Variants in CTNND2 observed in about 807,000 individuals in gnomAD.
CTNND2 encodes catenin delta 2.
A neutral mutation model predicts 144.4 loss-of-function variants in CTNND2; 22 were observed. That is an observed-to-expected ratio of 0.15 (90% CI 0.11 to 0.22). The LOEUF (loss-of-function observed/expected upper bound fraction) is 0.22, where lower values mean the gene tolerates loss of function less well. Among genes scored for constraint, CTNND2 ranks in the 10% least tolerant of loss-of-function variants. The pLI is 1.00. For synonymous variants in CTNND2, 751 were observed against 695.6 expected (o/e 1.08, Z -1.25); for missense variants, 1,353 against 1,618.8 (o/e 0.84, Z 2.82).
At chr5:11,304,138 AGCAGCATGAAGGGTATGTCTTT>A (rs1749916391) in intron 9 of CTNND2, among the ~76,000 whole-genome samples, 1 of 148,974 alleles carries the variant, frequency 6.7e-6, no homozygotes, top group Admixed American at 6.6e-5. Flanking sequence ...TGTCTTTATC[AGCAGCATGAAGGGTATGTCTTT>A]ATCAGCAGCA....
At chr5:11,831,464 C>A (rs1793896690) in intron 1 of CTNND2, among the ~76,000 whole-genome samples, 1 of 151,828 alleles carries the variant, frequency 6.6e-6, no homozygotes, top group Admixed American at 6.6e-5. Context: ...GTCAGGAGAT[C>A]GAGACCATCC....
chr5:10,975,400 G>A (rs1387858055), intron 21 of CTNND2, among the ~76,000 whole-genome samples: 2 of 152,160 alleles, frequency 1.3e-5, no homozygotes, highest in Non-Finnish European at 2.9e-5. Flanking sequence ...ATGTGTGTTT[G>A]TGTCTGTCTA....
chr5:11,566,731 G>A (rs1777134587), intron 2 of CTNND2, among the ~76,000 whole-genome samples: 1 of 152,154 alleles, frequency 6.6e-6, no homozygotes. Context: ...GCTTCCGCTA[G>A]GACGGATGTT....
At chr5:11,312,014 C>T (rs1217526689) in intron 9 of CTNND2, among the ~76,000 whole-genome samples, 1 of 150,254 alleles carries the variant, frequency 6.7e-6, no homozygotes, top group Non-Finnish European at 1.5e-5. Flanking sequence ...CACACACTCA[C>T]CATACACCTT....
chr5:11,807,639 G>C (rs1387094698), intron 1 of CTNND2, among the ~76,000 whole-genome samples: 1 of 152,096 alleles, frequency 6.6e-6, no homozygotes, highest in Non-Finnish European at 1.5e-5. Flanking sequence ...TTAGAATTGT[G>C]AACTGTGTGA....
chr5:11,781,404 A>T (rs1415544380), intron 1 of CTNND2, among the ~76,000 whole-genome samples: 1 of 152,232 alleles, frequency 6.6e-6, no homozygotes, highest in Non-Finnish European at 1.5e-5. Context: ...AAGAAATATG[A>T]GGTTTCTGAG....
At chr5:11,858,375 A>G (rs898913335) in intron 1 of CTNND2, among the ~76,000 whole-genome samples, 2 of 152,192 alleles carry the variant, frequency 1.3e-5, no homozygotes, top group Non-Finnish European at 2.9e-5. Flanking sequence ...AGGGGGTGGA[A>G]GGTCAGATGA....
At chr5:11,241,448 T>A (rs1742441123) in intron 9 of CTNND2, among the ~76,000 whole-genome samples, 1 of 152,208 alleles carries the variant, frequency 6.6e-6, no homozygotes, top group Non-Finnish European at 1.5e-5. Flanking sequence ...TTAAACCAGC[T>A]TCCCAGAAAT....
intron 11 of CTNND2, among the ~76,000 whole-genome samples, chr5:11,163,471 G>T (rs1758997112): frequency 6.6e-6 from 1 of 152,230 alleles, no homozygotes; most frequent in Non-Finnish European, 1.5e-5. Context: ...GACAGTGGGT[G>T]ACATAAATGT....
intron 18 of CTNND2, among the ~76,000 whole-genome samples, chr5:11,000,194 A>G (rs1739791178): frequency 6.6e-6 from 1 of 152,236 alleles, no homozygotes; most frequent in South Asian, 2.1e-4. Context: ...ACAGGAGGTT[A>G]GGACAACACA....
intron 3 of CTNND2, among the ~76,000 whole-genome samples, chr5:11,461,037 T>C (rs892974902): frequency 2.7e-5 from 4 of 150,902 alleles, no homozygotes; most frequent in Admixed American, 2.6e-4. Flanking sequence ...AGCGAGACTC[T>C]GGAAAAAAAA....
chr5:11,408,393 T>A (rs2149833497), intron 5 of CTNND2, among the ~76,000 whole-genome samples: 1 of 152,298 alleles, frequency 6.6e-6, no homozygotes, highest in South Asian at 2.1e-4. Context: ...CTCAGTTACT[T>A]CAGTTTCAAG....
chr5:11,488,303 A>C (rs1769035012), intron 3 of CTNND2, among the ~76,000 whole-genome samples: 1 of 152,188 alleles, frequency 6.6e-6, no homozygotes, highest in South Asian at 2.1e-4. Context: ...TTAAATACCC[A>C]CTAAAATATA....
chr5:11,631,978 C>G (rs768197988), intron 2 of CTNND2, among the ~76,000 whole-genome samples: 1 of 152,114 alleles, frequency 6.6e-6, no homozygotes, highest in Non-Finnish European at 1.5e-5. Context: ...TTCCAGTGCT[C>G]TCCTTAATGG....
chr5:11,239,256 T>C (rs1209249798), intron 9 of CTNND2, among the ~76,000 whole-genome samples: 9 of 152,294 alleles, frequency 5.9e-5, no homozygotes, highest in African/African-American at 2.2e-4. Flanking sequence ...AGGGGCTCTT[T>C]GCACACATGC....
chr5:11,625,325 C>T (rs942070694), intron 2 of CTNND2, among the ~76,000 whole-genome samples: 1 of 151,730 alleles, frequency 6.6e-6, no homozygotes, highest in African/African-American at 2.4e-5. Flanking sequence ...CAACCAATCT[C>T]ATAGGGAAAG....
intron 2 of CTNND2, among the ~76,000 whole-genome samples, chr5:11,608,627 T>A (rs1273075683): frequency 6.6e-6 from 1 of 152,124 alleles, no homozygotes; most frequent in Non-Finnish European, 1.5e-5. Flanking sequence ...CTTCACATAA[T>A]CTCTACTGCT....
chr5:11,647,960 G>A (rs1025996280), intron 2 of CTNND2, among the ~76,000 whole-genome samples: 1 of 152,258 alleles, frequency 6.6e-6, no homozygotes, highest in Non-Finnish European at 1.5e-5. Context: ...ATAGACAAAG[G>A]AGCAGGCTTG....
chr5:11,434,561 C>T (rs976761579), intron 3 of CTNND2, among the ~76,000 whole-genome samples: 3 of 152,016 alleles, frequency 2.0e-5, no homozygotes, highest in African/African-American at 7.2e-5. Context: ...GCACAATAAA[C>T]TATTTAGGGG....
Sources: allele counts gnomAD v4.1 joint callset (sites outside exome capture counted in the v4.1 genomes callset), GRCh38; gene constraint gnomAD v4.1.1; transcripts MANE v1.5; gene names NCBI Gene and HGNC (gene_info 2026-07-23, HGNC 2026-07-21).